FUT8: variants seen among roughly 807,000 people sequenced by gnomAD.
FUT8 encodes the protein fucosyltransferase 8, also known as alpha-(1,6)-fucosyltransferase.
FUT8 carries 29 observed loss-of-function variants against 71.3 expected under a neutral mutation model. That is an observed-to-expected ratio of 0.41 (90% CI 0.30 to 0.55). The LOEUF is 0.55. Ranked by LOEUF, FUT8 falls within the 20% of genes least tolerant of loss-of-function variation. The probability of loss-of-function intolerance (pLI) is 0.34; values close to 1 mark genes in which losing one functional copy is unlikely to be tolerated. For missense variants in FUT8, 544 were observed against 702.1 expected, an observed-to-expected ratio of 0.77 and a Z score of 2.55; for synonymous variants, 254 against 239.3, an observed-to-expected ratio of 1.06 and a Z score of -0.57.
At chr14:65,397,245 T>C in the FUT8 span, among the ~76,000 whole-genome samples, 1 of 152,204 alleles carries the variant, frequency 6.6e-6, no homozygotes, top group Non-Finnish European at 1.5e-5. The surrounding 1 kb of genome is among the most constrained non-coding windows in gnomAD (Gnocchi z 4.2). Context: ...TAGAGTGTGG[T>C]GTGAACTTGA....
chr14:65,517,207 A>G (rs1473806942), intron 2 of FUT8, among the ~76,000 whole-genome samples: 1 of 151,964 alleles, frequency 6.6e-6, no homozygotes, highest in Non-Finnish European at 1.5e-5. Flanking sequence ...GAGTGTGTTA[A>G]TATATTTTCT....
chr14:65,514,140 A>G (rs956186188), intron 2 of FUT8, among the ~76,000 whole-genome samples: 13 of 152,228 alleles, frequency 8.5e-5, no homozygotes, highest in African/African-American at 2.4e-5. Context: ...CTCCTGTCCT[A>G]TCAGTGCTGT....
chr14:65,576,000 A>C (rs1886755212), intron 3 of FUT8, among the ~76,000 whole-genome samples: 1 of 152,208 alleles, frequency 6.6e-6, no homozygotes, highest in Non-Finnish European at 1.5e-5. Context: ...GCCGCAAGTA[A>C]GTATAGCTTT....
Position 65,561,716 on chromosome 14 carries a change from A to G in FUT8, c.153A>G (p.Glu51=), listed in dbSNP as rs924453645. ...TGTCCAAGATTCTGGCAAAGCTTGA[A>G]CGCTTAAAACAACAGAATGAAGACT... ...RELSKILAKL[E]RLKQQNEDLR... The change falls in exon 3 of 11, where the codon GAA becomes GAG. Residue 51 remains glutamate (E), a synonymous_variant. Coordinates refer to ENST00000673929, the MANE Select transcript of FUT8 (RefSeq NM_001371533.1). 1.9e-6 allele frequency: 3 copies of G among 1,613,468 alleles called. No homozygotes were observed. The highest frequency in any genetic ancestry group is 2.5e-6 in the Non-Finnish European group (3 of 1,179,648).
At chr14:65,653,330 T>C (rs1891503965) in intron 6 of FUT8, among the ~76,000 whole-genome samples, 1 of 152,214 alleles carries the variant, frequency 6.6e-6, no homozygotes, top group Non-Finnish European at 1.5e-5. Context: ...ATGTCTTTCA[T>C]GTCTATCCTT....
chr14:65,525,500 T>A (rs1428802920), intron 2 of FUT8, among the ~76,000 whole-genome samples: 1 of 152,178 alleles, frequency 6.6e-6, no homozygotes, highest in Admixed American at 6.5e-5. Context: ...TTTGTTGATG[T>A]TTTCAAAAAA....
At chr14:65,390,173 AAAT>A in the FUT8 span, among the ~76,000 whole-genome samples, 1 of 150,776 alleles carries the variant, frequency 6.6e-6, no homozygotes, top group African/African-American at 2.4e-5. Context: ...TAAAAATAAA[AAAT>A]AATATTTATA....
At position 65,413,690 on chromosome 14, in the gene FUT8, C is replaced by G. The variant is rs2065176201; in HGVS notation, c.-326+476C>G. ...TCTGAGTGCTGCTCGGGCTAGAAAG[C>G]AGGGAGTGGACCCTCACAAAGATCC... is the stretch of plus-strand genomic sequence containing the variant. On this transcript the variant is annotated intron_variant, in intron 1 of 10. Transcript: ENST00000673929. The surrounding 1 kb of genome is among the most constrained non-coding windows in gnomAD (Gnocchi z 4.1). Among the ~76,000 whole-genome samples the G allele has an allele frequency of 6.6e-6, 1 of 152,170 alleles. No homozygotes were observed. The highest frequency in any genetic ancestry group is 2.4e-5 in the African/African-American group (1 of 41,416).
At chr14:65,468,065 A>C in intron 2 of FUT8, 1 of 654,442 alleles carries the variant, frequency 1.5e-6, no homozygotes, top group Non-Finnish European at 2.8e-6. Flanking sequence ...GTTTGTTGAC[A>C]AGTTGTTTAC....
chr14:65,502,230 T>TA (rs1243736064), intron 2 of FUT8, among the ~76,000 whole-genome samples: 1 of 150,760 alleles, frequency 6.6e-6, no homozygotes, highest in Non-Finnish European at 1.5e-5. Flanking sequence ...TATTTATTGT[T>TA]ATTTTTTTTT....
intron 6 of FUT8, among the ~76,000 whole-genome samples, chr14:65,664,082 C>G (rs916473019): frequency 6.6e-6 from 1 of 151,938 alleles, no homozygotes; most frequent in African/African-American, 2.4e-5. Context: ...AAAAACTGTT[C>G]TAAAAGAAAA....
intron 2 of FUT8, among the ~76,000 whole-genome samples, chr14:65,538,690 T>C (rs1884492891): frequency 6.6e-6 from 1 of 152,036 alleles, no homozygotes; most frequent in Non-Finnish European, 1.5e-5. Context: ...GTGGCCGAGG[T>C]AGGTGGATTG....
chr14:65,509,310 T>C (rs1421258262), intron 2 of FUT8, among the ~76,000 whole-genome samples: 1 of 152,200 alleles, frequency 6.6e-6, no homozygotes, highest in Non-Finnish European at 1.5e-5. Flanking sequence ...CCATGTTGTT[T>C]TGTTTATTAT....
the FUT8 span, among the ~76,000 whole-genome samples, chr14:65,399,875 A>G: frequency 6.6e-6 from 1 of 152,216 alleles, no homozygotes; most frequent in African/African-American, 2.4e-5. Flanking sequence ...TGTAAAGACA[A>G]AACTTCTTTC....
chr14:65,662,383 C>A (rs996727362), intron 6 of FUT8, among the ~76,000 whole-genome samples: 14 of 151,982 alleles, frequency 9.2e-5, no homozygotes, highest in Admixed American at 8.5e-4. Flanking sequence ...CAGACCTTGT[C>A]TCAAAAATAA....
At chr14:65,536,025 A>G (rs939860488) in intron 2 of FUT8, among the ~76,000 whole-genome samples, 6 of 152,030 alleles carry the variant, frequency 3.9e-5, no homozygotes, top group African/African-American at 1.4e-4. Flanking sequence ...ACCTTTTACC[A>G]TTATGTCATG....
chr14:65,602,485 G>C (rs1888357843), intron 3 of FUT8, among the ~76,000 whole-genome samples: 1 of 150,710 alleles, frequency 6.6e-6, no homozygotes, highest in African/African-American at 2.4e-5. Flanking sequence ...AAACATGCAT[G>C]TGCAAGTATC....
At chr14:65,360,914 C>A in the FUT8 span, among the ~76,000 whole-genome samples, 1 of 151,942 alleles carries the variant, frequency 6.6e-6, no homozygotes, top group Non-Finnish European at 1.5e-5. Flanking sequence ...CATATTTTCT[C>A]AAAAAAATTG....
intron 7 of FUT8, among the ~76,000 whole-genome samples, chr14:65,692,583 C>T (rs549786137): frequency 1.4e-4 from 20 of 146,914 alleles, no homozygotes; most frequent in African/African-American, 4.0e-4. Flanking sequence ...CCCTCCCGGA[C>T]GGGGCGGCTG....
Sources: gnomAD v4.1 joint callset for allele counts (sites outside exome capture counted in the v4.1 genomes callset) on GRCh38, gnomAD v4.1.1 for gene constraint, Gnocchi (gnomAD v3.1) non-coding constraint, MANE v1.5 for transcripts, NCBI Gene and HGNC (gene_info 2026-07-23, HGNC 2026-07-21) for gene names.